The following SIKE1 variants were observed in gnomAD, a reference collection of about 807,000 sequenced individuals.
SIKE1 encodes suppressor of IKK epsilon.
Under a neutral mutation model 25.8 loss-of-function variants are expected in SIKE1, and 13 were observed. That is an observed-to-expected ratio of 0.50 (90% CI 0.33 to 0.80). The LOEUF (loss-of-function observed/expected upper bound fraction) is 0.80, where lower values mean the gene tolerates loss of function less well. Ranked by LOEUF, SIKE1 falls within the 30% of genes least tolerant of loss-of-function variation. SIKE1 has a pLI of 0.02. For synonymous variants in SIKE1, 86 were observed against 95.5 expected (o/e 0.90, Z 0.58); for missense variants, 222 against 252.4 (o/e 0.88, Z 0.82).
chr1:114,770,794 G>A lies in SIKE1; in HGVS notation c.*3477C>T, dbSNP rs1442137855. 6.6e-6 allele frequency: 1 copy of A among 152,202 alleles called. No homozygotes were observed. Among genetic ancestry groups the A allele is most frequent in the Non-Finnish European group, 1.5e-5 (1 of 68,038 alleles). The allele number at this position is 152,202 out of a possible 1,614,324, so 9.4% of individuals were successfully genotyped here. ...TCCAAAACTATATTCAAGGGGAAAG[G>A]ACTTGACAATATAAAGTCACAGACA... On this transcript the variant is annotated 3_prime_UTR_variant, in exon 5 of 5. Transcript: ENST00000060969.
intron 3 of SIKE1, among the ~76,000 whole-genome samples, chr1:114,776,899 T>C (rs916253196): frequency 2.6e-5 from 4 of 152,158 alleles, no homozygotes; most frequent in Non-Finnish European, 5.9e-5. Flanking sequence ...GGCACATATA[T>C]ACCATGGAAT....
Position 114,778,966 on chromosome 1 carries a change from A to ACCAT in SIKE1, c.408+175_408+176insATGG, listed in dbSNP as rs2101134105. The ACCAT allele has an allele frequency of 5.9e-6, 4 of 675,246 alleles. No individual in the cohort carries two copies. The Admixed American group carries it at 1.1e-4, about 19-fold the overall frequency. The allele number at this position is 675,246 out of a possible 1,614,324, so 41.8% of individuals were successfully genotyped here. A position where few individuals can be genotyped will look rare whatever the true frequency, so the allele number is the denominator to read the frequency against. On this transcript the variant is annotated intron_variant, in intron 3 of 4. Coordinates refer to ENST00000060969, the MANE Select transcript of SIKE1 (RefSeq NM_025073.3). Reference sequence around the variant, plus strand: ...CAGCTGCTCCGGAGGCAGAGGTGAGACGATGGCTTGAGCCCAGGAGGCAGA... The same window carrying ACCAT: ...CAGCTGCTCCGGAGGCAGAGGTGAGACCATCGATGGCTTGAGCCCAGGAGGCAGA...
intron 2 of SIKE1, among the ~76,000 whole-genome samples, chr1:114,779,877 T>C (rs1662351969): frequency 6.6e-6 from 1 of 152,142 alleles, no homozygotes; most frequent in South Asian, 2.1e-4. Flanking sequence ...TGCTTAAAAA[T>C]AAACCATGCA....
chr1:114,775,503 CTTT>C (rs35490891), intron 4 of SIKE1, among the ~76,000 whole-genome samples: 17 of 122,512 alleles, frequency 1.4e-4, no homozygotes, highest in Non-Finnish European at 8.3e-5. Context: ...AAATGCTTTG[CTTT>C]TTTTTTTTTT....
chr1:114,780,573 G>A lies in SIKE1; in HGVS notation c.35C>T (p.Ala12Val), dbSNP rs763682584. The A allele has an allele frequency of 6.2e-6, 10 of 1,613,814 alleles. No homozygotes were observed. The African/African-American group carries it at 9.3e-5, about 15-fold the overall frequency. Reference sequence around the variant, plus strand: ...CCGTAGCCTCTCCAGCAGCGTCTTGGCGTCTGTCAGGATCTTCTCGATGGT... The same window carrying A: ...CCGTAGCCTCTCCAGCAGCGTCTTGACGTCTGTCAGGATCTTCTCGATGGT... ...SCTIEKILTDAKTLLERLREH... is the reference protein window; with the variant it reads ...SCTIEKILTDVKTLLERLREH... The change falls in exon 1 of 5, where the codon GCC (alanine) becomes GTC (valine). Residue 12 changes from alanine (A) to valine (V), a missense_variant. By Grantham distance (64) the Ala-to-Val change is moderately conservative. Transcript: ENST00000060969.
chr1:114,780,477 C>T lies in SIKE1; in HGVS notation c.131G>A (p.Arg44Gln). The change falls in exon 1 of 5, where the codon CGG becomes CAG. Residue 44 changes from arginine (R) to glutamine (Q), a missense_variant. By Grantham distance (43) the Arg-to-Gln change is conservative (BLOSUM62 1). Transcript: ENST00000060969. ...AALHRRVAAM[R>Q]EAGTALPDQY... ...GTCCGGAAGCGCTGTCCCCGCCTCC[C>T]GCATAGCTGCTACCCGCCGGTGCAG... The T allele has an allele frequency of 6.2e-7, 1 of 1,613,324 alleles. No individual in the cohort carries two copies. The highest frequency in any genetic ancestry group is 8.5e-7 in the Non-Finnish European group (1 of 1,180,032).
intron 1 of SIKE1, 33 bp downstream of exon 1, chr1:114,780,416 C>A: frequency 6.2e-7 from 1 of 1,612,864 alleles, no homozygotes; most frequent in Non-Finnish European, 8.5e-7. Context: ...TGCCCAGAAT[C>A]CGAGAGCACT....
At chr1:114,778,417 T>C (rs1662307339) in intron 3 of SIKE1, among the ~76,000 whole-genome samples, 1 of 152,198 alleles carries the variant, frequency 6.6e-6, no homozygotes, top group Non-Finnish European at 1.5e-5. Context: ...TCAGGTACTA[T>C]GTTAGGAATA....
intron 4 of SIKE1, among the ~76,000 whole-genome samples, chr1:114,775,503 C>CTT (rs35490891): frequency 1.1e-4 from 13 of 122,568 alleles, no homozygotes; most frequent in East Asian, 2.2e-4. Flanking sequence ...AAATGCTTTG[C>CTT]TTTTTTTTTT....
At position 114,769,722 on chromosome 1, in the gene SIKE1, T is replaced by A. The variant is rs946595962; in HGVS notation, c.*4549A>T. On this transcript the variant is annotated 3_prime_UTR_variant, in exon 5 of 5. Coordinates refer to ENST00000060969, the MANE Select transcript of SIKE1 (RefSeq NM_025073.3). ...AAGTCACTTTAGGGATACATATGTA[T>A]TTTAGGTCTTTCTACATTCGAACAA... The A allele has an allele frequency of 1.9e-4, 29 of 152,242 alleles. No homozygotes were observed. Among genetic ancestry groups the A allele is most frequent in the African/African-American group, 7.0e-4 (29 of 41,532 alleles). 9.4% of individuals were successfully genotyped at this position (152,242 alleles called of 1,614,324 possible).
rs1468227476 is a variant in SIKE1 at position 114,772,960 on chromosome 1, G to A, written c.*1311C>T. On this transcript the variant is annotated 3_prime_UTR_variant, in exon 5 of 5. Transcript: ENST00000060969. The stretch of plus-strand genomic sequence containing the variant: ...TAACTGTAGTTCTTTATAGCATTAC[G>A]AAAGAAATATCACTCACATAAAGCA... The A allele has an allele frequency of 2.0e-5, 3 of 152,032 alleles. No homozygotes were observed. Among genetic ancestry groups the A allele is most frequent in the South Asian group, 4.2e-4 (2 of 4,814 alleles). The allele number at this position is 152,032 out of a possible 1,614,324, so 9.4% of individuals were successfully genotyped here.
Position 114,780,522 on chromosome 1 carries a change from A to G in SIKE1, c.86T>C (p.Leu29Pro). 4 of 1,613,650 alleles carry G rather than the reference A, an allele frequency of 2.5e-6. No homozygotes were observed. The highest frequency in any genetic ancestry group is 3.4e-6 in the Non-Finnish European group (4 of 1,179,994). The stretch of plus-strand genomic sequence containing the variant: ...GTGCAGCGCCGCCGACTGATCCACC[A>G]GCGACTCGGCGGCCGCATCGTGCTC... ...LREHDAAAES[L>P]VDQSAALHRR... Residue 29 changes from leucine to proline, a missense_variant, in exon 1 of 5, where the codon CTG becomes CCG. Leu to Pro is a moderately conservative substitution (Grantham distance 98). Transcript: ENST00000060969.
intron 2 of SIKE1, 85 bp from the exon 3 acceptor site, chr1:114,779,369 C>A: frequency 1.5e-6 from 2 of 1,315,292 alleles, no homozygotes; most frequent in Non-Finnish European, 2.1e-6. Context: ...TTTTGTAACA[C>A]TATATAGATA....
At position 114,776,371 on chromosome 1, in the gene SIKE1, A is replaced by T; in HGVS notation, c.497T>A (p.Ile166Asn). 1 of 1,613,018 alleles carries T rather than the reference A, an allele frequency of 6.2e-7. No individual in the cohort carries two copies. The highest frequency in any genetic ancestry group is 8.5e-7 in the Non-Finnish European group (1 of 1,179,134). Residue 166 changes from isoleucine to asparagine, a missense_variant, in exon 4 of 5, where the codon ATT (isoleucine) becomes AAT (asparagine). Ile to Asn is a moderately radical substitution (Grantham distance 149). Coordinates refer to ENST00000060969, the MANE Select transcript of SIKE1 (RefSeq NM_025073.3). ...CTCTAATTGGGCTAATTTTTCCTGA[A>T]TCTTACAAAACTGGTCATCATCCAC... ...VQVDDDQFCK[I>N]QEKLAQLELE...
At chr1:114,778,480 TAATAA>T (rs1662309500) in intron 3 of SIKE1, among the ~76,000 whole-genome samples, 1 of 152,180 alleles carries the variant, frequency 6.6e-6, no homozygotes, top group South Asian at 2.1e-4. Flanking sequence ...AATGTATAAG[TAATAA>T]CCAACCAAGT....
intron 4 of SIKE1, among the ~76,000 whole-genome samples, chr1:114,775,416 C>A (rs1035667546): frequency 2.6e-5 from 4 of 151,766 alleles, no homozygotes; most frequent in African/African-American, 9.7e-5. Context: ...GGGCAGGTAT[C>A]TGTTTTTTTC....
rs945795607 is a variant in SIKE1, at chr1:114,770,004, G to C, written c.*4267C>G. ...AACTATGCTTATTTTATCAAGCAGA[G>C]TTCTTGGTTTTAGGCAATTCAGGTT... On this transcript the variant is annotated 3_prime_UTR_variant, in exon 5 of 5. Coordinates refer to ENST00000060969, the MANE Select transcript of SIKE1 (RefSeq NM_025073.3). 1.3e-5 allele frequency: 2 copies of C among 152,164 alleles called. No homozygotes were observed. The highest frequency in any genetic ancestry group is 2.9e-5 in the Non-Finnish European group (2 of 68,038). The allele number at this position is 152,164 out of a possible 1,614,324, so 9.4% of individuals were successfully genotyped here.
Position 114,769,511 on chromosome 1 carries a change from G to A in SIKE1, c.*4760C>T, listed in dbSNP as rs1450335797. On this transcript the variant is annotated 3_prime_UTR_variant, in exon 5 of 5. Transcript: ENST00000060969. ...AAAAAATGTATAATTTATTATATAT[G>A]TATGTATTCCTTAACAATATGTTGT... 1 of 151,948 alleles carries A rather than the reference G, an allele frequency of 6.6e-6. No individual in the cohort carries two copies. The highest frequency in any genetic ancestry group is 1.5e-5 in the Non-Finnish European group (1 of 67,990). 9.4% of individuals were successfully genotyped at this position (151,948 alleles called of 1,614,324 possible).
At position 114,780,137 on chromosome 1, in the gene SIKE1, T is replaced by G. The variant is rs1662359655; in HGVS notation, c.238A>C (p.Ile80Leu). Reference sequence around the variant, plus strand: ...CTGTTTTCCTGTTGCAAGTCTCTAATCTGTGTGTTCTCTTGGGACAGCAGA... The same window carrying G: ...CTGTTTTCCTGTTGCAAGTCTCTAAGCTGTGTGTTCTCTTGGGACAGCAGA... ...HILLSQENTQIRDLQQENREL... is the reference protein window; with the variant it reads ...HILLSQENTQLRDLQQENREL... Residue 80 changes from isoleucine (I) to leucine (L), a missense_variant, in exon 2 of 5, where the codon ATT becomes CTT. Physicochemically the swap from Ile to Leu is conservative, Grantham distance 5 (BLOSUM62 2). Transcript: ENST00000060969. 1 of 1,613,828 alleles carries G rather than the reference T, an allele frequency of 6.2e-7. No homozygotes were observed. The highest frequency in any genetic ancestry group is 2.2e-5 in the East Asian group (1 of 44,882).
Sources: allele counts gnomAD v4.1 joint callset (sites outside exome capture counted in the v4.1 genomes callset), GRCh38; gene constraint gnomAD v4.1.1; transcripts MANE v1.5; gene names NCBI Gene and HGNC (gene_info 2026-07-23, HGNC 2026-07-21).